Variants in LRP1B observed in about 807,000 individuals in gnomAD.
LRP1B encodes the protein LDL receptor related protein 1B, also known as low-density lipoprotein receptor-related protein 1B.
In LRP1B, 217 loss-of-function variants were observed where a neutral mutation model predicts 556.6. That is an observed-to-expected ratio of 0.39 (90% CI 0.35 to 0.44). The LOEUF is 0.44. LRP1B is among the 20% of genes least tolerant of loss of function. The pLI, the probability that LRP1B is intolerant of heterozygous loss-of-function variation, is 1.00. For synonymous variants in LRP1B, 2,047 were observed against 1,865.8 expected (o/e 1.10, Z -2.50); for missense variants, 5,053 against 5,620.8 (o/e 0.90, Z 3.23).
intron 79 of LRP1B, among the ~76,000 whole-genome samples, chr2:140,330,261 C>T (rs1045317838): frequency 1.3e-4 from 20 of 148,412 alleles, no homozygotes; most frequent in Middle Eastern, 3.6e-3. Flanking sequence ...AAAAAGAGCC[C>T]GTATAGCTAA....
intron 27 of LRP1B, among the ~76,000 whole-genome samples, chr2:140,857,548 T>G (rs1373952462): frequency 6.6e-6 from 1 of 152,132 alleles, no homozygotes; most frequent in African/African-American, 2.4e-5. Flanking sequence ...TTAAAATATA[T>G]ACACCTAAAA....
chr2:140,595,567 A>C (rs1682408752), intron 43 of LRP1B, among the ~76,000 whole-genome samples: 1 of 152,116 alleles, frequency 6.6e-6, no homozygotes, highest in African/African-American at 2.4e-5. Context: ...AAGAACGTTT[A>C]TTTTACCTTT....
intron 2 of LRP1B, among the ~76,000 whole-genome samples, chr2:141,693,089 G>A (rs753181784): frequency 4.6e-5 from 7 of 152,012 alleles, no homozygotes; most frequent in Non-Finnish European, 8.8e-5. Context: ...TGCAGGTCAC[G>A]CATTTACCAG....
chr2:141,039,387 G>A (rs1377546847), intron 11 of LRP1B, among the ~76,000 whole-genome samples: 2 of 151,884 alleles, frequency 1.3e-5, no homozygotes, highest in Non-Finnish European at 2.9e-5. Flanking sequence ...TTTTATCACA[G>A]GTATGTGTGC....
chr2:141,075,256 T>G (rs1161297394), intron 7 of LRP1B, among the ~76,000 whole-genome samples: 1 of 152,130 alleles, frequency 6.6e-6, no homozygotes, highest in African/African-American at 2.4e-5. Context: ...AAAAAATAAT[T>G]TGGAGTCTGA....
At chr2:141,344,148 G>A (rs911959922) in intron 3 of LRP1B, among the ~76,000 whole-genome samples, 3 of 152,092 alleles carry the variant, frequency 2.0e-5, no homozygotes, top group Non-Finnish European at 4.4e-5. Context: ...CTTGTTTTAG[G>A]TCAAAGGGTA....
At chr2:140,773,809 T>G (rs1027689293) in intron 33 of LRP1B, among the ~76,000 whole-genome samples, 4 of 151,944 alleles carry the variant, frequency 2.6e-5, no homozygotes, top group African/African-American at 7.2e-5. Flanking sequence ...ACAATAAGGT[T>G]CTTTTTCTGT....
At chr2:141,019,438 T>C (rs550967194) in intron 12 of LRP1B, among the ~76,000 whole-genome samples, 1 of 152,182 alleles carries the variant, frequency 6.6e-6, no homozygotes, top group African/African-American at 2.4e-5. Context: ...TTCAACTTTA[T>C]AAAGCAGGGA....
chr2:140,535,070 C>T (rs1410574059), intron 46 of LRP1B, among the ~76,000 whole-genome samples: 1 of 152,062 alleles, frequency 6.6e-6, no homozygotes, highest in African/African-American at 2.4e-5. Context: ...GGCTCTGGGA[C>T]TAAGAATAGT....
intron 2 of LRP1B, among the ~76,000 whole-genome samples, chr2:141,788,451 T>C (rs1695495891): frequency 6.6e-6 from 1 of 152,074 alleles, no homozygotes; most frequent in African/African-American, 2.4e-5. Flanking sequence ...GTGTAAAATA[T>C]TGCAATAACA....
At chr2:140,914,284 A>G (rs1694509996) in intron 21 of LRP1B, among the ~76,000 whole-genome samples, 1 of 152,138 alleles carries the variant, frequency 6.6e-6, no homozygotes, top group Admixed American at 6.6e-5. Context: ...AGATGTGAGT[A>G]GAGAATGGAA....
chr2:141,061,457 TA>T (rs1444243023), intron 8 of LRP1B, among the ~76,000 whole-genome samples: 1 of 151,782 alleles, frequency 6.6e-6, no homozygotes, highest in East Asian at 1.9e-4. Context: ...AGATCTCTTT[TA>T]GGCATTCACT....
At chr2:140,357,570 C>T (rs1415922762) in intron 74 of LRP1B, among the ~76,000 whole-genome samples, 2 of 151,528 alleles carry the variant, frequency 1.3e-5, no homozygotes, top group Non-Finnish European at 3.0e-5. Context: ...ATCACATCTT[C>T]TGTAAGAATG....
chr2:141,798,151 T>C (rs1173539186), intron 2 of LRP1B, among the ~76,000 whole-genome samples: 2 of 152,182 alleles, frequency 1.3e-5, no homozygotes, highest in African/African-American at 4.8e-5. Flanking sequence ...TGTATTAAAA[T>C]GGTTTGGCAA....
At chr2:140,803,868 C>T (rs1429234686) in intron 32 of LRP1B, among the ~76,000 whole-genome samples, 20 of 113,216 alleles carry the variant, frequency 1.8e-4, no homozygotes, top group African/African-American at 6.3e-4. Context: ...CCCTCCCCCA[C>T]CCCCCCAACC....
chr2:140,526,000 G>T lies in LRP1B; in HGVS notation c.7877-7C>A, dbSNP rs1244764749. On this transcript the variant is annotated splice_region_variant and splice_polypyrimidine_tract_variant and intron_variant, in intron 48 of 90. Coordinates refer to ENST00000389484, the MANE Select transcript of LRP1B (RefSeq NM_018557.3). ...TGTGTGCAGTCTGTGTTATCTAGAAGAAGGTAAACAAAAAATGAAAAAGTA... is the reference window on the plus strand; with the variant it reads ...TGTGTGCAGTCTGTGTTATCTAGAATAAGGTAAACAAAAAATGAAAAAGTA... The T allele has an allele frequency of 7.5e-6, 12 of 1,610,282 alleles. No individual in the cohort carries two copies.
intron 3 of LRP1B, among the ~76,000 whole-genome samples, chr2:141,323,433 T>C (rs973530552): frequency 6.6e-6 from 1 of 152,154 alleles, no homozygotes; most frequent in African/African-American, 2.4e-5. Context: ...CAAAAATATA[T>C]AAAATATCAA....
At chr2:140,307,571 T>C (rs1179697903) in intron 83 of LRP1B, among the ~76,000 whole-genome samples, 2 of 151,844 alleles carry the variant, frequency 1.3e-5, no homozygotes, top group African/African-American at 2.4e-5. Context: ...AACAATAGAA[T>C]ATTTTCTATT....
Position 141,016,853 on chromosome 2 carries a change from A to T in LRP1B, c.1971-938T>A, listed in dbSNP as rs561037850. 4.6e-5 allele frequency among the ~76,000 whole-genome samples: 7 copies of T among 152,178 alleles called. No homozygotes were observed. In the East Asian group the frequency reaches 1.4e-3, roughly 30 times the overall value. ...CTGACCCTTGAAATACCCTTATTAG[A>T]TCCCCTGCCTCCCCCATTTTGTAGA... is the stretch of plus-strand genomic sequence containing the variant. On this transcript the variant is annotated intron_variant, in intron 12 of 90. Coordinates refer to ENST00000389484, the MANE Select transcript of LRP1B (RefSeq NM_018557.3).
Sources: allele counts gnomAD v4.1 joint callset (sites outside exome capture counted in the v4.1 genomes callset), GRCh38; gene constraint gnomAD v4.1.1; transcripts MANE v1.5; gene names NCBI Gene and HGNC (gene_info 2026-07-23, HGNC 2026-07-21).